ASB4: variants seen among roughly 807,000 people sequenced by gnomAD.
ASB4 encodes ankyrin repeat and SOCS box containing 4, also known as ankyrin repeat and SOCS box protein 4.
Under a neutral mutation model 38.6 loss-of-function variants are expected in ASB4, and 35 were observed. The observed-to-expected ratio is 0.91, with a 90% confidence interval of 0.69 to 1.20. ASB4 has a LOEUF of 1.20. Among genes scored for constraint, ASB4 ranks in the 50% most tolerant of loss-of-function variants. The pLI is 0.00. For missense variants in ASB4, 557 were observed against 527.2 expected, an observed-to-expected ratio of 1.06 and a Z score of -0.55; for synonymous variants, 195 against 201.3, an observed-to-expected ratio of 0.97 and a Z score of 0.26.
chr7:95,536,460 T>C lies in ASB4; in HGVS notation c.1002T>C (p.Cys334=), dbSNP rs761245015. Residue 334 remains cysteine (C), a synonymous_variant, in exon 4 of 5, where the codon TGT becomes TGC. Coordinates refer to ENST00000325885, the MANE Select transcript of ASB4 (RefSeq NM_016116.3). ...AGGTGATACAGGCCTGCCATTCTTG[T>C]CCTAAAGCAATTGAAGTTGTAGTCA... The part of the protein sequence containing the change: ...FHKVIQACHS[C]PKAIEVVVNA... 1 of 1,612,954 alleles carries C rather than the reference T, an allele frequency of 6.2e-7. No homozygotes were observed. The highest frequency in any genetic ancestry group is 8.5e-7 in the Non-Finnish European group (1 of 1,179,096).
chr7:95,477,898 T>C (rs1789991893), upstream of ASB4, among the ~76,000 whole-genome samples: 1 of 151,838 alleles, frequency 6.6e-6, no homozygotes, highest in Admixed American at 6.6e-5. Flanking sequence ...TAACTGCAGC[T>C]TTGTCTGCAA....
At chr7:95,496,187 T>A in intron 2 of ASB4, 130 bp downstream of exon 2, 1 of 742,626 alleles carries the variant, frequency 1.3e-6, no homozygotes, top group Non-Finnish European at 2.1e-6. Flanking sequence ...CAGAAGGCCC[T>A]AAAAAATACA....
intron 2 of ASB4, among the ~76,000 whole-genome samples, chr7:95,522,666 C>T (rs1790680311): frequency 6.6e-6 from 1 of 152,134 alleles, no homozygotes; most frequent in Admixed American, 6.6e-5. Context: ...TCTCTTTCCA[C>T]ACAAAGGCTT....
chr7:95,540,332 A>G (rs866057359), downstream of ASB4: 4 of 152,186 alleles, frequency 2.6e-5, no homozygotes, highest in African/African-American at 9.7e-5. Flanking sequence ...TGCTTTTATC[A>G]ACAGTTAAAA....
chr7:95,487,944 AAC>A (rs1324665356), intron 1 of ASB4, among the ~76,000 whole-genome samples: 22 of 152,058 alleles, frequency 1.4e-4, no homozygotes, highest in African/African-American at 5.3e-4. Context: ...TGTAGAAAGA[AAC>A]ACACTTGAAA....
intron 1 of ASB4, among the ~76,000 whole-genome samples, chr7:95,480,591 G>A: frequency 6.6e-6 from 1 of 152,188 alleles, no homozygotes; most frequent in East Asian, 1.9e-4. Flanking sequence ...TACTCAAGCA[G>A]CCAATGGAGA....
upstream of ASB4, among the ~76,000 whole-genome samples, chr7:95,474,768 C>T (rs1361499020): frequency 1.3e-5 from 2 of 152,152 alleles, no homozygotes; most frequent in Non-Finnish European, 2.9e-5. Flanking sequence ...TCAAGCAGTC[C>T]TGCCTCAGCT....
chr7:95,529,261 C>A (rs1297165528), intron 3 of ASB4, among the ~76,000 whole-genome samples: 1 of 152,160 alleles, frequency 6.6e-6, no homozygotes, highest in Non-Finnish European at 1.5e-5. Context: ...GAAAATAAAT[C>A]AAATAATACT....
upstream of ASB4, among the ~76,000 whole-genome samples, chr7:95,482,889 C>G (rs561996072): frequency 1.2e-4 from 18 of 152,242 alleles, no homozygotes; most frequent in African/African-American, 4.3e-4. Context: ...TTAGAAACAA[C>G]CAGATATGCC....
the ASB4 span, among the ~76,000 whole-genome samples, chr7:95,546,276 C>T: frequency 6.6e-6 from 1 of 152,188 alleles, no homozygotes; most frequent in Admixed American, 6.5e-5. Flanking sequence ...AATATGTGAG[C>T]ATATGAATAG....
At chr7:95,499,664 TAAG>T (rs1483781559) in intron 2 of ASB4, among the ~76,000 whole-genome samples, 1 of 151,962 alleles carries the variant, frequency 6.6e-6, no homozygotes, top group African/African-American at 2.4e-5. Flanking sequence ...GAAGTGAACA[TAAG>T]AAGAGCATGA....
chr7:95,537,841 C>A lies in ASB4; in HGVS notation c.*82C>A. ...CACAGTTTGCCTAAATAAAATGGTACTTGGGTTGATTATAACACTTCAGGG... is the reference window on the plus strand; with the variant it reads ...CACAGTTTGCCTAAATAAAATGGTAATTGGGTTGATTATAACACTTCAGGG... On this transcript the variant is annotated 3_prime_UTR_variant, in exon 5 of 5. Coordinates refer to ENST00000325885, the MANE Select transcript of ASB4 (RefSeq NM_016116.3). The A allele has an allele frequency of 1.6e-6, 2 of 1,233,088 alleles. No individual in the cohort carries two copies. Among genetic ancestry groups the A allele is most frequent in the Non-Finnish European group, 2.3e-6 (2 of 872,524 alleles). 76.4% of individuals were successfully genotyped at this position (1,233,088 alleles called of 1,614,324 possible).
At chr7:95,496,424 A>G (rs1790249222) in intron 2 of ASB4, among the ~76,000 whole-genome samples, 1 of 152,206 alleles carries the variant, frequency 6.6e-6, no homozygotes, top group Admixed American at 6.5e-5. Context: ...ATAAATATAT[A>G]ATTATAAATT....
At chr7:95,492,545 G>GA (rs1790187297) in intron 1 of ASB4, among the ~76,000 whole-genome samples, 1 of 152,170 alleles carries the variant, frequency 6.6e-6, no homozygotes, top group Non-Finnish European at 1.5e-5. Flanking sequence ...TTCTCATCTG[G>GA]AAAATGAAAG....
rs147455627 is a variant in ASB4, at chr7:95,535,084, G to C, written c.979-1353G>C. On this transcript the variant is annotated intron_variant, in intron 3 of 4. Coordinates refer to ENST00000325885, the MANE Select transcript of ASB4 (RefSeq NM_016116.3). ...CACACACATGCACATGCACACACAT[G>C]CGCACACTCTTACTTAGTTGGATAT... Among the ~76,000 whole-genome samples the C allele has an allele frequency of 4.2e-3, 632 of 151,956 alleles. 5 individuals carry two copies. The highest frequency in any genetic ancestry group is 8.5e-3 in the South Asian group (41 of 4,806).
At chr7:95,505,069 T>G (rs1790389161) in intron 2 of ASB4, among the ~76,000 whole-genome samples, 1 of 152,208 alleles carries the variant, frequency 6.6e-6, no homozygotes, top group African/African-American at 2.4e-5. Flanking sequence ...ACTTTTCTGC[T>G]CTCGTCACAG....
chr7:95,546,612 G>A, the ASB4 span, among the ~76,000 whole-genome samples: 4 of 152,162 alleles, frequency 2.6e-5, no homozygotes, highest in Non-Finnish European at 5.9e-5. Flanking sequence ...CCCAGACTCA[G>A]CCGCAGAGTT....
At chr7:95,480,806 C>T (rs889066170) in intron 1 of ASB4, among the ~76,000 whole-genome samples, 3 of 152,112 alleles carry the variant, frequency 2.0e-5, no homozygotes, top group African/African-American at 7.2e-5. Flanking sequence ...TGCTTTAAGC[C>T]AATACATTTT....
intron 1 of ASB4, among the ~76,000 whole-genome samples, chr7:95,494,716 T>C (rs927560602): frequency 1.3e-5 from 2 of 152,132 alleles, no homozygotes; most frequent in African/African-American, 4.8e-5. Flanking sequence ...AGAAAGAAGG[T>C]TTATAAAGTC....
Sources: gnomAD v4.1 joint callset for allele counts (sites outside exome capture counted in the v4.1 genomes callset) on GRCh38, gnomAD v4.1.1 for gene constraint, MANE v1.5 for transcripts, NCBI Gene and HGNC (gene_info 2026-07-23, HGNC 2026-07-21) for gene names.